SSRP1: variants seen among roughly 807,000 people sequenced by gnomAD.
SSRP1 encodes FACT complex subunit SSRP1.
A neutral mutation model predicts 84.4 loss-of-function variants in SSRP1; 21 were observed. The observed-to-expected ratio is 0.25, with a 90% CI of 0.18 to 0.36. The LOEUF (loss-of-function observed/expected upper bound fraction) is 0.36, where lower values mean the gene tolerates loss of function less well. SSRP1 is among the 10% of genes least tolerant of loss of function. The probability of loss-of-function intolerance (pLI) is 1.00; values close to 1 mark genes in which losing one functional copy is unlikely to be tolerated. For missense variants in SSRP1, 519 were observed against 900.8 expected, an observed-to-expected ratio of 0.58 and a Z score of 5.43; for synonymous variants, 319 against 318.3, an observed-to-expected ratio of 1.00 and a Z score of -0.02.
At position 57,326,059 on chromosome 11, in the gene SSRP1, C is replaced by A. The variant is rs1855973418; in HGVS notation, c.*348G>T. 3 of 288,438 alleles carry A rather than the reference C, an allele frequency of 1.0e-5. No homozygotes were observed. Among genetic ancestry groups the A allele is most frequent in the East Asian group, 6.2e-5 (1 of 16,048 alleles). The allele number at this position is 288,438 out of a possible 1,614,324, so 17.9% of individuals were successfully genotyped here. On this transcript the variant is annotated 3_prime_UTR_variant, in exon 17 of 17. Transcript: ENST00000278412. ...ATACAAAATGAAAGTAGAAATAGGC[C>A]CCAGGTAGGAGCTACAGGCCTGGCC...
intron 16 of SSRP1, 102 bp from the exon 17 acceptor site, chr11:57,326,580 C>T (rs1307975575): frequency 4.8e-6 from 7 of 1,447,690 alleles, no homozygotes; most frequent in South Asian, 1.2e-5. Flanking sequence ...AACTACAGCA[C>T]CCCCCTTCAG....
intron 15 of SSRP1, 143 bp downstream of exon 15, chr11:57,327,283 C>T: frequency 1.2e-6 from 1 of 857,270 alleles, no homozygotes; most frequent in Admixed American, 2.2e-5. Flanking sequence ...GGGCAATGGC[C>T]TACCCAGGTT....
chr11:57,328,010 TC>T (rs1856018574), intron 13 of SSRP1, 128 bp from the exon 14 acceptor site: 2 of 1,176,210 alleles, frequency 1.7e-6, no homozygotes, highest in Admixed American at 4.8e-5. Flanking sequence ...AGACGAGAGC[TC>T]CCTAAGGGCA....
Position 57,334,505 on chromosome 11 carries a change from T to C in SSRP1, c.198A>G (p.Thr66=). 1 of 1,614,254 alleles carries C rather than the reference T, an allele frequency of 6.2e-7. No individual in the cohort carries two copies. ...CATACTTGTAGACATGGCCATTCTT[T>C]GTAAGCAGTTTAAGTCCATGGCCCA... ...VALGHGLKLL[T]KNGHVYKYDG... Residue 66 remains threonine (T), a synonymous_variant, in exon 3 of 17, where the codon ACA becomes ACG. Transcript: ENST00000278412.
At chr11:57,326,631 A>G (rs1051578686) in intron 16 of SSRP1, 72 bp downstream of exon 16, 2 of 1,554,708 alleles carry the variant, frequency 1.3e-6, no homozygotes, top group African/African-American at 2.8e-5. Context: ...CATTACTCTT[A>G]CAGACCAACC....
intron 13 of SSRP1, 48 bp downstream of exon 13, chr11:57,328,249 C>T (rs1364589501): frequency 1.2e-6 from 2 of 1,601,984 alleles, no homozygotes; most frequent in East Asian, 2.2e-5. Context: ...CCTCCCACGC[C>T]CCCCACCCAC....
chr11:57,327,224 G>T, intron 15 of SSRP1: 1 of 682,520 alleles, frequency 1.5e-6, no homozygotes, highest in Non-Finnish European at 2.5e-6. Context: ...CAGGAAAAGA[G>T]GCCATATTTC....
chr11:57,333,967 G>A (rs1247420149), intron 3 of SSRP1, among the ~76,000 whole-genome samples: 3 of 152,194 alleles, frequency 2.0e-5, no homozygotes, highest in African/African-American at 7.2e-5. Context: ...ACTGGGTAAT[G>A]TGGCAAAACG....
chr11:57,331,799 C>T lies in SSRP1; in HGVS notation c.1092G>A (p.Lys364=), dbSNP rs1856096026. The change falls in exon 9 of 17, where the codon AAG becomes AAA. Residue 364 remains lysine (K), a synonymous_variant. Transcript: ENST00000278412. Reference sequence around the variant, plus strand: ...CATCGAAGCGGATGTGCACAGGTGGCTTGTGGACGTAGATGAAGCCCCGCT... The same window carrying T: ...CATCGAAGCGGATGTGCACAGGTGGTTTGTGGACGTAGATGAAGCCCCGCT... ...PLERGFIYVH[K]PPVHIRFDEI... 6.2e-7 allele frequency: 1 copy of T among 1,614,088 alleles called. No homozygotes were observed. The highest frequency in any genetic ancestry group is 1.3e-5 in the African/African-American group (1 of 74,938).
chr11:57,334,532 A>G lies in SSRP1; in HGVS notation c.171T>C (p.Ala57=). The change falls in exon 3 of 17, where the codon GCT becomes GCC. Residue 57 remains alanine (A), a synonymous_variant. Transcript: ENST00000278412. ...ELTEGIWRRV[A]LGHGLKLLTK... ...TAAGCAGTTTAAGTCCATGGCCCAG[A>G]GCAACACGGCGCCAGATACCTTCTG... is the stretch of plus-strand genomic sequence containing the variant. 3 of 1,614,260 alleles carry G rather than the reference A, an allele frequency of 1.9e-6. No individual in the cohort carries two copies. The highest frequency in any genetic ancestry group is 2.2e-5 in the South Asian group (2 of 91,084).
chr11:57,326,767 A>G lies in SSRP1; in HGVS notation c.1994T>C (p.Phe665Ser). 4 of 1,614,146 alleles carry G rather than the reference A, an allele frequency of 2.5e-6. No homozygotes were observed. Among genetic ancestry groups the G allele is most frequent in the Non-Finnish European group, 3.4e-6 (4 of 1,180,028 alleles). Residue 665 changes from phenylalanine to serine, a missense_variant, in exon 16 of 17, where the codon TTT (phenylalanine) becomes TCT (serine). Physicochemically the swap from Phe to Ser is radical, Grantham distance 155. Around this residue, in one of 7 missense-constraint regions of SSRP1, gnomAD observed 197 missense variants for 265.0 expected, o/e 0.74. Transcript: ENST00000278412. ...CGAAGAGCTCTCATCACTAGACACA[A>G]ACTCTTTGCTCTTGAAGCTCTCGCT... is the stretch of plus-strand genomic sequence containing the variant. ...QLSESFKSKE[F>S]VSSDESSSGE...
intron 13 of SSRP1, 164 bp from the exon 14 acceptor site, chr11:57,328,046 C>CA (rs1419109926): frequency 3.9e-5 from 37 of 958,648 alleles, no homozygotes; most frequent in Non-Finnish European, 5.4e-5. Flanking sequence ...TTCCCCTCTG[C>CA]AATTCAGTGC....
chr11:57,326,939 C>T (rs1248576291), intron 15 of SSRP1, 50 bp from the exon 16 acceptor site: 2 of 1,503,752 alleles, frequency 1.3e-6, no homozygotes, highest in South Asian at 1.3e-5. Context: ...CCCCTGTCAC[C>T]ATGACCAAAC....
rs201762237 is a variant in SSRP1, at chr11:57,327,417, G to T, written c.1871+9C>A. The T allele has an allele frequency of 9.9e-6, 16 of 1,612,318 alleles. No homozygotes were observed. Among genetic ancestry groups the T allele is most frequent in the Non-Finnish European group, 1.4e-5 (16 of 1,179,398 alleles). On this transcript the variant is annotated intron_variant, in intron 15 of 16. Coordinates refer to ENST00000278412, the MANE Select transcript of SSRP1 (RefSeq NM_003146.3). ...AAATCAGTGACTGGGCCATGTTCTC[G>T]ACACTCACCTCTTAGAAGACTCGCC...
At chr11:57,331,987 G>C (rs1856101834) in intron 8 of SSRP1, 98 bp from the exon 9 acceptor site, 3 of 1,496,020 alleles carry the variant, frequency 2.0e-6, no homozygotes, top group South Asian at 2.4e-5. Context: ...CCTCGACTAA[G>C]TAAACCTCAC....
chr11:57,331,001 C>G, intron 9 of SSRP1, 74 bp from the exon 10 acceptor site: 3 of 1,536,562 alleles, frequency 2.0e-6, no homozygotes, highest in Non-Finnish European at 2.7e-6. Context: ...TGTTCTGATT[C>G]CATGAGCTGG....
chr11:57,329,782 C>T, intron 12 of SSRP1: 1 of 470,114 alleles, frequency 2.1e-6, no homozygotes, highest in Non-Finnish European at 3.8e-6. Flanking sequence ...CTCGACAACC[C>T]CCAGCAAGTA....
intron 8 of SSRP1, 24 bp from the exon 9 acceptor site, chr11:57,331,913 G>C (rs1856099488): frequency 6.3e-7 from 1 of 1,597,204 alleles, no homozygotes; most frequent in Non-Finnish European, 8.5e-7. Context: ...CAGGGAGCCT[G>C]GTTAGTGCCA....
rs1856103333 is a variant in SSRP1, at chr11:57,332,055, T to C, written c.1001+97A>G. 1.3e-6 allele frequency: 2 copies of C among 1,588,112 alleles called. No homozygotes were observed. The highest frequency in any genetic ancestry group is 3.4e-5 in the Admixed American group (2 of 58,470). On this transcript the variant is annotated intron_variant, in intron 8 of 16. Coordinates refer to ENST00000278412, the MANE Select transcript of SSRP1 (RefSeq NM_003146.3). The surrounding 1 kb of genome is among the most constrained non-coding windows in gnomAD (Gnocchi z 5.5). The stretch of plus-strand genomic sequence containing the variant: ...TGTGACACAAGGTCCCATCCAGGCC[T>C]CTAGGAGGCCGCATTCCCATCTCAG...
Sources: allele counts gnomAD v4.1 joint callset (sites outside exome capture counted in the v4.1 genomes callset), GRCh38; gene constraint gnomAD v4.1.1; regional missense constraint gnomAD v4.1.1; non-coding constraint Gnocchi (gnomAD v3.1); transcripts MANE v1.5; gene names NCBI Gene and HGNC (gene_info 2026-07-23, HGNC 2026-07-21).